The following SRGN variants were observed in gnomAD, a reference collection of about 807,000 sequenced individuals.
SRGN encodes the protein hematopoetic proteoglycan core peptide.
SRGN carries 2 observed loss-of-function variants against 9.5 expected under a neutral mutation model. That is an observed-to-expected ratio of 0.21 (90% CI 0.09 to 0.66). SRGN has a LOEUF of 0.66. Among genes scored for constraint, SRGN ranks in the 30% least tolerant of loss-of-function variants. SRGN has a pLI of 0.83. For missense variants in SRGN, 170 were observed against 192.4 expected, an observed-to-expected ratio of 0.88 and a Z score of 0.69; for synonymous variants, 59 against 72.3, an observed-to-expected ratio of 0.82 and a Z score of 0.93.
intron 1 of SRGN, among the ~76,000 whole-genome samples, chr10:69,091,879 C>CAAAAAAAACAAAA (rs1840063571): frequency 3.1e-5 from 1 of 31,770 alleles, no homozygotes; most frequent in Non-Finnish European, 4.7e-5. Context: ...GACTCTGTCT[C>CAAAAAAAACAAAA]AAAAAAAAAA....
At chr10:69,090,846 T>G (rs1840037882) in intron 1 of SRGN, among the ~76,000 whole-genome samples, 1 of 152,210 alleles carries the variant, frequency 6.6e-6, no homozygotes, top group Admixed American at 6.5e-5. Context: ...GACTAATCTA[T>G]TTAATGTAGG....
intron 2 of SRGN, among the ~76,000 whole-genome samples, chr10:69,103,226 A>C (rs1167598005): frequency 6.6e-6 from 1 of 151,606 alleles, no homozygotes; most frequent in Non-Finnish European, 1.5e-5. Context: ...GACATGAGCC[A>C]CCACACCCGG....
chr10:69,095,151 T>C (rs1408244745), intron 1 of SRGN, among the ~76,000 whole-genome samples: 1 of 151,160 alleles, frequency 6.6e-6, no homozygotes, highest in Non-Finnish European at 1.5e-5. Context: ...CTACTAAAAA[T>C]ACAAAAATTA....
intron 2 of SRGN, among the ~76,000 whole-genome samples, chr10:69,101,732 A>C (rs1840296902): frequency 6.6e-6 from 1 of 151,640 alleles, no homozygotes; most frequent in Non-Finnish European, 1.5e-5. Flanking sequence ...TTACTTCTCT[A>C]TTTTCAGCTT....
chr10:69,104,421 T>A lies in SRGN; in HGVS notation c.*301T>A, dbSNP rs1332016819. 1.2e-5 allele frequency: 2 copies of A among 173,626 alleles called. No homozygotes were observed. The highest frequency in any genetic ancestry group is 1.2e-5 in the Non-Finnish European group (1 of 82,234). 10.8% of individuals were successfully genotyped at this position (173,626 alleles called of 1,614,324 possible). A position where few individuals can be genotyped will look rare whatever the true frequency, so the allele number is the denominator to read the frequency against. ...ATGGCTTTAAAGAATATATATATATTTTTAAAGTAGCTTGAGAAGCAAATT... is the reference window on the plus strand; with the variant it reads ...ATGGCTTTAAAGAATATATATATATATTTAAAGTAGCTTGAGAAGCAAATT... On this transcript the variant is annotated 3_prime_UTR_variant, in exon 3 of 3. Coordinates refer to ENST00000242465, the MANE Select transcript of SRGN (RefSeq NM_002727.4).
At chr10:69,096,799 A>AC (rs1840183998) in intron 1 of SRGN, among the ~76,000 whole-genome samples, 1 of 151,860 alleles carries the variant, frequency 6.6e-6, no homozygotes, top group Admixed American at 6.6e-5. Context: ...ACATAGTGAG[A>AC]CCCCCATCTC....
intron 1 of SRGN, among the ~76,000 whole-genome samples, chr10:69,092,210 A>G (rs1408231140): frequency 1.3e-5 from 2 of 152,152 alleles, no homozygotes; most frequent in Admixed American, 1.3e-4. Flanking sequence ...CATAGCCACT[A>G]TAATCACAAG....
At chr10:69,099,596 T>C (rs896142266) in intron 2 of SRGN, among the ~76,000 whole-genome samples, 2 of 151,840 alleles carry the variant, frequency 1.3e-5, no homozygotes, top group African/African-American at 4.8e-5. Context: ...TGAGCCACCA[T>C]TCCCAGCGCT....
intron 2 of SRGN, among the ~76,000 whole-genome samples, chr10:69,102,298 T>C (rs1323546427): frequency 6.6e-6 from 1 of 152,210 alleles, no homozygotes; most frequent in Non-Finnish European, 1.5e-5. Flanking sequence ...CACCCCAGGC[T>C]AAAGTAGCCA....
intron 1 of SRGN, among the ~76,000 whole-genome samples, chr10:69,094,011 T>A (rs1840122293): frequency 6.6e-6 from 1 of 152,214 alleles, no homozygotes; most frequent in Non-Finnish European, 1.5e-5. Context: ...CTCCTCCTTT[T>A]CATGACAGGA....
chr10:69,090,987 T>C (rs1840040859), intron 1 of SRGN, among the ~76,000 whole-genome samples: 2 of 152,180 alleles, frequency 1.3e-5, no homozygotes, highest in African/African-American at 2.4e-5. Context: ...CCGCCATGTG[T>C]CCACTGTATA....
At position 69,093,410 on chromosome 10, in the gene SRGN, A is replaced by G. The variant is rs56862746; in HGVS notation, c.80-3674A>G. Among the ~76,000 whole-genome samples the G allele has an allele frequency of 2.6e-5, 4 of 152,174 alleles. No homozygotes were observed. The East Asian group carries it at 5.8e-4, about 22-fold the overall frequency. On this transcript the variant is annotated intron_variant, in intron 1 of 2. Coordinates refer to ENST00000242465, the MANE Select transcript of SRGN (RefSeq NM_002727.4). The stretch of plus-strand genomic sequence containing the variant: ...GCCGCTGGAACATTTAAAACTCCCT[A>G]TGTGGTTTGCTTTGTGTTTCTATTG...
intron 1 of SRGN, among the ~76,000 whole-genome samples, chr10:69,094,947 C>G (rs1035633194): frequency 1.3e-5 from 2 of 151,514 alleles, no homozygotes; most frequent in Admixed American, 6.6e-5. Context: ...TTTGCCTACC[C>G]GCCTCTCACC....
At chr10:69,099,384 C>T (rs1275892067) in intron 2 of SRGN, among the ~76,000 whole-genome samples, 4 of 150,956 alleles carry the variant, frequency 2.6e-5, no homozygotes, top group African/African-American at 9.8e-5. Flanking sequence ...TAGCTCACTG[C>T]AGCCTCGAAC....
chr10:69,088,774 A>G (rs1267503312), intron 1 of SRGN, among the ~76,000 whole-genome samples: 2 of 151,622 alleles, frequency 1.3e-5, no homozygotes, highest in African/African-American at 4.9e-5. Context: ...ATGGTTAGAC[A>G]TAGTTCATGT....
chr10:69,101,167 G>T (rs1649997518), intron 2 of SRGN, among the ~76,000 whole-genome samples: 1 of 151,940 alleles, frequency 6.6e-6, no homozygotes, highest in South Asian at 2.1e-4. Flanking sequence ...GTTTTGCCAT[G>T]TTGACCAGGC....
chr10:69,098,134 A>G (rs1164805929), intron 2 of SRGN, among the ~76,000 whole-genome samples: 1 of 152,220 alleles, frequency 6.6e-6, no homozygotes, highest in East Asian at 1.9e-4. Context: ...AAATGATTGA[A>G]CATTGTTTTA....
chr10:69,102,380 T>TC (rs1239948926), intron 2 of SRGN, among the ~76,000 whole-genome samples: 4 of 152,246 alleles, frequency 2.6e-5, no homozygotes, highest in African/African-American at 9.6e-5. Context: ...ATTTATTTAT[T>TC]CACTTTTCAT....
At chr10:69,090,877 G>T (rs1429315920) in intron 1 of SRGN, among the ~76,000 whole-genome samples, 3 of 152,096 alleles carry the variant, frequency 2.0e-5, no homozygotes, top group East Asian at 3.9e-4. Context: ...ATTTGATGAG[G>T]CCTGTGAATC....
Sources: gnomAD v4.1 joint callset for allele counts (sites outside exome capture counted in the v4.1 genomes callset) on GRCh38, gnomAD v4.1.1 for gene constraint, MANE v1.5 for transcripts, NCBI Gene and HGNC (gene_info 2026-07-23, HGNC 2026-07-21) for gene names.